GRM7: variants seen among roughly 807,000 people sequenced by gnomAD.
GRM7 encodes glutamate metabotropic receptor 7.
Under a neutral mutation model 84.5 loss-of-function variants are expected in GRM7, and 35 were observed. That is an observed-to-expected ratio of 0.41 (90% CI 0.32 to 0.55). The LOEUF (loss-of-function observed/expected upper bound fraction) is 0.55. Among genes scored for constraint, GRM7 ranks in the 20% least tolerant of loss-of-function variants. The pLI, the probability that GRM7 is intolerant of heterozygous loss-of-function variation, is 0.19. For synonymous variants in GRM7, 487 were observed against 455.1 expected (o/e 1.07, Z -0.89); for missense variants, 1,003 against 1,194.6 (o/e 0.84, Z 2.36).
chr3:7,642,075 A>G (rs1698388035), intron 8 of GRM7, among the ~76,000 whole-genome samples: 1 of 152,132 alleles, frequency 6.6e-6, no homozygotes, highest in African/African-American at 2.4e-5. Context: ...TACCAAAACA[A>G]CCACATCTAG....
intron 1 of GRM7, among the ~76,000 whole-genome samples, chr3:6,992,258 T>C (rs183323163): frequency 1.3e-5 from 2 of 152,330 alleles, no homozygotes; most frequent in East Asian, 1.9e-4. Flanking sequence ...CAAGTACTTA[T>C]TGCATCTCTA....
chr3:7,715,888 G>T (rs1175131256), intron 9 of GRM7, among the ~76,000 whole-genome samples: 1 of 152,090 alleles, frequency 6.6e-6, no homozygotes, highest in African/African-American at 2.4e-5. Context: ...GCAGGTATTT[G>T]TCTCTTCTCC....
intron 7 of GRM7, among the ~76,000 whole-genome samples, chr3:7,571,417 C>G (rs953577319): frequency 1.3e-5 from 2 of 152,152 alleles, no homozygotes; most frequent in Non-Finnish European, 1.5e-5. Context: ...CCTAAATCAT[C>G]TCTCTCAAGT....
At chr3:6,920,313 G>A (rs1170322765) in intron 1 of GRM7, among the ~76,000 whole-genome samples, 1 of 152,128 alleles carries the variant, frequency 6.6e-6, no homozygotes, top group Non-Finnish European at 1.5e-5. Context: ...CTAGCACTTT[G>A]GGAGGCCGAG....
At chr3:7,312,389 G>A (rs1700430095) in intron 4 of GRM7, among the ~76,000 whole-genome samples, 1 of 152,020 alleles carries the variant, frequency 6.6e-6, no homozygotes, top group Non-Finnish European at 1.5e-5. Flanking sequence ...AGGAAGGGAG[G>A]CAATCAGTAG....
intron 1 of GRM7, among the ~76,000 whole-genome samples, chr3:6,982,302 AAGGGT>A (rs1694239149): frequency 6.6e-6 from 1 of 152,058 alleles, no homozygotes; most frequent in Non-Finnish European, 1.5e-5. Context: ...CAAGAGGGAG[AAGGGT>A]AGGAGGGGTG....
chr3:7,212,192 G>T (rs1696452800), intron 2 of GRM7, among the ~76,000 whole-genome samples: 1 of 96,228 alleles, frequency 1.0e-5, no homozygotes, highest in South Asian at 3.0e-4. Context: ...TCATTCCTTT[G>T]GGTCTTTTTT....
At chr3:7,505,300 G>A (rs1009863455) in intron 7 of GRM7, among the ~76,000 whole-genome samples, 9 of 152,208 alleles carry the variant, frequency 5.9e-5, no homozygotes, top group Admixed American at 5.2e-4. Flanking sequence ...TGAGTCCCTT[G>A]CCTGCAGTTG....
intron 1 of GRM7, among the ~76,000 whole-genome samples, chr3:7,016,873 T>C (rs1695585280): frequency 6.6e-6 from 1 of 152,196 alleles, no homozygotes; most frequent in Admixed American, 6.5e-5. Context: ...CAACAGAATC[T>C]AGACTCTGGC....
At chr3:7,126,909 C>A (rs868200982) in intron 1 of GRM7, among the ~76,000 whole-genome samples, 1 of 152,122 alleles carries the variant, frequency 6.6e-6, no homozygotes, top group African/African-American at 2.4e-5. Context: ...ACACTATGTC[C>A]CTGAGATATT....
At chr3:7,718,734 G>A (rs961006520) in intron 9 of GRM7, among the ~76,000 whole-genome samples, 1 of 152,150 alleles carries the variant, frequency 6.6e-6, no homozygotes, top group Non-Finnish European at 1.5e-5. Flanking sequence ...TAGTTGGGAG[G>A]TGGTTGACAT....
chr3:7,349,698 G>A (rs1480298016), intron 4 of GRM7, among the ~76,000 whole-genome samples: 1 of 152,080 alleles, frequency 6.6e-6, no homozygotes, highest in East Asian at 1.9e-4. Flanking sequence ...ATGATATAAA[G>A]CAATCTTCCC....
intron 4 of GRM7, among the ~76,000 whole-genome samples, chr3:7,310,322 G>A (rs534191232): frequency 6.6e-6 from 1 of 152,274 alleles, no homozygotes; most frequent in South Asian, 2.1e-4. Context: ...TGTAGGAATA[G>A]ACAAAACATA....
At chr3:7,398,314 T>G (rs1205274586) in intron 4 of GRM7, among the ~76,000 whole-genome samples, 1 of 152,158 alleles carries the variant, frequency 6.6e-6, no homozygotes, top group Non-Finnish European at 1.5e-5. Flanking sequence ...ACGAAAGGTT[T>G]GAAATCAGAT....
intron 8 of GRM7, among the ~76,000 whole-genome samples, chr3:7,585,846 C>G (rs1335478820): frequency 6.6e-6 from 1 of 152,190 alleles, no homozygotes; most frequent in Non-Finnish European, 1.5e-5. Context: ...GAAACCATAA[C>G]AGAGCGTGGT....
Position 7,357,248 on chromosome 3 carries a change from A to AT in GRM7, c.1033+50604dup, listed in dbSNP as rs556488111. Among the ~76,000 whole-genome samples the AT allele has an allele frequency of 2.6e-3, 393 of 151,616 alleles. 2 individuals are homozygous for AT. Among genetic ancestry groups the AT allele is most frequent in the Non-Finnish European group, 4.4e-3 (300 of 67,830 alleles). On this transcript the variant is annotated intron_variant, in intron 4 of 9. Transcript: ENST00000357716. ...ACTACTTCAAAAAAAACAAAAAAGT[A>AT]TTTTTTTTGCTCGTGACCTTAAAGG...
intron 5 of GRM7, among the ~76,000 whole-genome samples, chr3:7,421,476 A>T (rs1696389509): frequency 6.6e-6 from 1 of 152,134 alleles, no homozygotes. Context: ...TAGAAATTCA[A>T]TCTTTTTAAA....
chr3:7,625,329 A>G (rs1488372345), intron 8 of GRM7, among the ~76,000 whole-genome samples: 1 of 152,180 alleles, frequency 6.6e-6, no homozygotes, highest in African/African-American at 2.4e-5. Context: ...TTTAAAGTTC[A>G]CAGTCTAGAG....
chr3:7,656,514 T>TA (rs374617506), intron 8 of GRM7, among the ~76,000 whole-genome samples: 39,063 of 104,472 alleles, frequency 0.37, 6,154 homozygotes, highest in Middle Eastern at 0.46. Context: ...AACAAACAAA[T>TA]AAAAAAAAAT....
Sources: gnomAD v4.1 joint callset for allele counts (sites outside exome capture counted in the v4.1 genomes callset) on GRCh38, gnomAD v4.1.1 for gene constraint, MANE v1.5 for transcripts, NCBI Gene and HGNC (gene_info 2026-07-23, HGNC 2026-07-21) for gene names.